Variants in SLA observed in about 807,000 individuals in gnomAD.
SLA encodes the protein src-like-adapter.
A neutral mutation model predicts 30.3 loss-of-function variants in SLA; 16 were observed. That is an observed-to-expected ratio of 0.53 (90% CI 0.36 to 0.80). SLA has a LOEUF of 0.80. Among genes scored for constraint, SLA ranks in the 30% least tolerant of loss-of-function variants. The pLI is 0.01. For missense variants in SLA, 310 were observed against 345.2 expected (o/e 0.90, Z 0.81); for synonymous variants, 143 against 137.8 (o/e 1.04, Z -0.26).
At chr8:133,054,829 C>T (rs757370993) in intron 3 of SLA, among the ~76,000 whole-genome samples, 32 of 152,162 alleles carry the variant, frequency 2.1e-4, no homozygotes, top group Admixed American at 5.2e-4. Context: ...GCAGGCCTTA[C>T]GGGACTTAGT....
intron 1 of SLA, among the ~76,000 whole-genome samples, chr8:133,079,732 G>T (rs1845460698): frequency 6.6e-6 from 1 of 152,104 alleles, no homozygotes; most frequent in African/African-American, 2.4e-5. Context: ...GAAGGAAAAG[G>T]CAGTCTTGGG....
At chr8:133,056,313 A>G (rs144257279) in intron 3 of SLA, among the ~76,000 whole-genome samples, 3 of 152,364 alleles carry the variant, frequency 2.0e-5, no homozygotes, top group African/African-American at 7.2e-5. Context: ...CATCTCATGT[A>G]CCAGCAGCGA....
intron 2 of SLA, among the ~76,000 whole-genome samples, chr8:133,062,524 C>T (rs1172470248): frequency 6.6e-6 from 1 of 152,268 alleles, no homozygotes; most frequent in Non-Finnish European, 1.5e-5. Context: ...ATCCCACCCA[C>T]GTAGTGGGAG....
At chr8:133,059,994 A>G in intron 3 of SLA, 106 bp downstream of exon 3, 1 of 1,113,160 alleles carries the variant, frequency 9.0e-7, no homozygotes, top group Non-Finnish European at 1.3e-6. Context: ...GCCCTTCGGT[A>G]CCCATTGCCC....
chr8:133,087,830 A>T (rs1846835280), intron 1 of SLA: 1 of 152,150 alleles, frequency 6.6e-6, no homozygotes. Flanking sequence ...ATGTCACGTG[A>T]CCTCCTCCAG....
intron 2 of SLA, among the ~76,000 whole-genome samples, chr8:133,065,846 T>G (rs1842958834): frequency 6.6e-6 from 1 of 151,140 alleles, no homozygotes; most frequent in Admixed American, 6.6e-5. Flanking sequence ...AGCATAAACT[T>G]TGGGGGAAAC....
intron 2 of SLA, chr8:133,073,171 C>T (rs541972439): frequency 9.9e-5 from 15 of 152,274 alleles, no homozygotes; most frequent in Admixed American, 5.2e-4. Flanking sequence ...TGGTGGCCGA[C>T]CCAGAATGTT....
intron 3 of SLA, among the ~76,000 whole-genome samples, chr8:133,052,466 G>A (rs1011829441): frequency 6.6e-6 from 1 of 152,180 alleles, no homozygotes; most frequent in Admixed American, 6.5e-5. Flanking sequence ...GTGTCGGGAC[G>A]TAAAAGGGCT....
intron 6 of SLA, among the ~76,000 whole-genome samples, chr8:133,045,821 C>T (rs769493235): frequency 6.6e-5 from 10 of 152,232 alleles, no homozygotes; most frequent in African/African-American, 2.2e-4. Context: ...GACTCCTTCC[C>T]GAGTACTCTC....
chr8:133,065,989 C>G (rs541646817), intron 2 of SLA, among the ~76,000 whole-genome samples: 1 of 152,078 alleles, frequency 6.6e-6, no homozygotes, highest in African/African-American at 2.4e-5. Context: ...GAGAGCGAGG[C>G]CAGTTGAGGC....
rs115575920 is a variant in SLA at position 133,041,298 on chromosome 8, G to A, written c.485-1168C>T. Among the ~76,000 whole-genome samples, 1,232 of 152,332 alleles carry A rather than the reference G, an allele frequency of 8.1e-3. 19 individuals carry two copies. The highest frequency in any genetic ancestry group is 0.028 in the African/African-American group (1,156 of 41,578). ...TCGGGTTTATGGAGTGCTCTCTGGG[G>A]CATCCTTGCCAAAGAACAAAAGGAA... is the stretch of plus-strand genomic sequence containing the variant. On this transcript the variant is annotated intron_variant, in intron 7 of 8. Coordinates refer to ENST00000338087, the MANE Select transcript of SLA (RefSeq NM_001045556.3).
Position 133,040,060 on chromosome 8 carries a change from C to A in SLA, c.555G>T (p.Val185=). ...CLTQSTAAPA[V]RASSSPVTLR... ...AGGTGACAGGTGAGCTGGAGGCCCT[C>A]ACTGCTGGGGCAGCCGTGCTTTGTG... The change falls in exon 8 of 9, where the codon GTG becomes GTT. Residue 185 remains valine (V), a synonymous_variant. Transcript: ENST00000338087. 6.4e-7 allele frequency: 1 copy of A among 1,554,914 alleles called. No homozygotes were observed. Among genetic ancestry groups the A allele is most frequent in the East Asian group, 2.4e-5 (1 of 41,384 alleles).
At chr8:133,089,402 G>A (rs1847143690) in intron 1 of SLA, among the ~76,000 whole-genome samples, 1 of 152,138 alleles carries the variant, frequency 6.6e-6, no homozygotes, top group Admixed American at 6.5e-5. Context: ...TTTCAGCACT[G>A]AGAATGCAAA....
intron 1 of SLA, chr8:133,096,396 A>T (rs368965583): frequency 6.2e-7 from 1 of 1,613,978 alleles, no homozygotes; most frequent in Non-Finnish European, 8.5e-7. Context: ...GGGGCCTCGG[A>T]TGTCTCCAGC....
rs1331071108 is a variant in SLA, at chr8:133,040,069, G to A, written c.546C>T (p.Ala182=). ...GTGAGCTGGAGGCCCTCACTGCTGG[G>A]GCAGCCGTGCTTTGTGTCAGGCAGG... ...TTPCLTQSTA[A]PAVRASSSPV... Residue 182 remains alanine, a synonymous_variant, in exon 8 of 9, where the codon GCC becomes GCT. Coordinates refer to ENST00000338087, the MANE Select transcript of SLA (RefSeq NM_001045556.3). The A allele has an allele frequency of 2.6e-6, 4 of 1,556,498 alleles. No individual in the cohort carries two copies. The highest frequency in any genetic ancestry group is 3.5e-6 in the Non-Finnish European group (4 of 1,149,644).
In SLA at chr8:133,039,974, CACACAT is replaced by C. The variant is rs113099362; in HGVS notation, c.617+18_617+23del. The C allele has an allele frequency of 0.24, 336,293 of 1,430,074 alleles. 10,986 individuals are homozygous for C. The highest frequency in any genetic ancestry group is 0.4 in the Admixed American group (18,286 of 45,662). 88.6% of individuals were successfully genotyped at this position (1,430,074 alleles called of 1,614,324 possible). ...GCATGCACACACACACACACACACACACACATACACACACCATACTCACCTGGACAC... is the reference window on the plus strand; with the variant it reads ...GCATGCACACACACACACACACACACACACACACCATACTCACCTGGACAC... On this transcript the variant is annotated intron_variant, in intron 8 of 8. Transcript: ENST00000338087.
intron 1 of SLA, chr8:133,076,018 G>A (rs907336871): frequency 1.3e-5 from 2 of 152,112 alleles, no homozygotes; most frequent in Admixed American, 1.3e-4. Context: ...CAGTACGTGA[G>A]TCTCAAGCAG....
At chr8:133,059,190 C>T in intron 3 of SLA, 3 of 452,926 alleles carry the variant, frequency 6.6e-6, no homozygotes, top group Middle Eastern at 6.6e-4. Context: ...TGTGTGGTCA[C>T]CCCTGCGAGG....
At position 133,037,252 on chromosome 8, in the gene SLA, C is replaced by T. The variant is rs1353459314; in HGVS notation, c.*1272G>A. 6.6e-6 allele frequency: 1 copy of T among 152,164 alleles called. No homozygotes were observed. The highest frequency in any genetic ancestry group is 1.5e-5 in the Non-Finnish European group (1 of 68,038). The allele number at this position is 152,164 out of a possible 1,614,324, so 9.4% of individuals were successfully genotyped here. A position where few individuals can be genotyped will look rare whatever the true frequency, so the allele number is the denominator to read the frequency against. On this transcript the variant is annotated 3_prime_UTR_variant, in exon 9 of 9. Transcript: ENST00000338087. The stretch of plus-strand genomic sequence containing the variant: ...TAGTAGGATTTGGATGGGAGCTTCT[C>T]CTTCTCTGGCTATACATTGTGTTTT...
Sources: gnomAD v4.1 joint callset for allele counts (sites outside exome capture counted in the v4.1 genomes callset) on GRCh38, gnomAD v4.1.1 for gene constraint, MANE v1.5 for transcripts, NCBI Gene and HGNC (gene_info 2026-07-23, HGNC 2026-07-21) for gene names.